Variants in ARHGEF3 observed in about 807,000 individuals in gnomAD.
ARHGEF3 encodes the protein 59.8 kDA protein.
In ARHGEF3, 28 loss-of-function variants were observed where a neutral mutation model predicts 63.2. The observed-to-expected ratio is 0.44, with a 90% CI of 0.33 to 0.61. The LOEUF (loss-of-function observed/expected upper bound fraction) is 0.61, where lower values mean the gene tolerates loss of function less well. Ranked by LOEUF, ARHGEF3 falls within the 20% of genes least tolerant of loss-of-function variation. The pLI is 0.03. For synonymous variants in ARHGEF3, 266 were observed against 254.2 expected, an observed-to-expected ratio of 1.05 and a Z score of -0.44; for missense variants, 533 against 659.3, an observed-to-expected ratio of 0.81 and a Z score of 2.10.
intron 1 of ARHGEF3, among the ~76,000 whole-genome samples, chr3:56,799,773 T>C (rs1443242098): frequency 2.0e-5 from 3 of 152,224 alleles, no homozygotes; most frequent in Non-Finnish European, 4.4e-5. Flanking sequence ...ATTTCCATTA[T>C]CAGGAAGTGA....
chr3:56,845,569 C>G (rs2039461550), intron 4 of ARHGEF3, among the ~76,000 whole-genome samples: 1 of 152,168 alleles, frequency 6.6e-6, no homozygotes. Flanking sequence ...CCTTTCCTTT[C>G]ACAGTGAGAG....
chr3:57,029,434 A>T (rs1703634577), intron 2 of ARHGEF3, among the ~76,000 whole-genome samples: 1 of 151,978 alleles, frequency 6.6e-6, no homozygotes, highest in African/African-American at 2.4e-5. Flanking sequence ...CGTCTCAAAA[A>T]AAAAAAAAAT....
At chr3:56,893,159 C>T (rs1369089930) in intron 3 of ARHGEF3, among the ~76,000 whole-genome samples, 2 of 152,078 alleles carry the variant, frequency 1.3e-5, no homozygotes, top group Non-Finnish European at 2.9e-5. Flanking sequence ...TAGTCCCTTC[C>T]CTTTGCTGGG....
At chr3:56,974,065 G>A (rs982963585) in intron 2 of ARHGEF3, among the ~76,000 whole-genome samples, 1 of 152,094 alleles carries the variant, frequency 6.6e-6, no homozygotes, top group Non-Finnish European at 1.5e-5. Flanking sequence ...CAGCCTGGGC[G>A]ACAGATCAAG....
At chr3:57,077,693 G>A (rs538410923) in intron 1 of ARHGEF3, among the ~76,000 whole-genome samples, 13 of 152,178 alleles carry the variant, frequency 8.5e-5, no homozygotes, top group African/African-American at 3.1e-4. Context: ...GGAGACCCAA[G>A]GCTTAAAAGA....
intron 4 of ARHGEF3, among the ~76,000 whole-genome samples, chr3:56,836,203 T>C (rs940834668): frequency 1.3e-5 from 2 of 152,182 alleles, no homozygotes; most frequent in African/African-American, 4.8e-5. Context: ...TTTCGATCAA[T>C]AGTTCATGAA....
At chr3:57,002,822 G>T (rs1446397463) in intron 2 of ARHGEF3, among the ~76,000 whole-genome samples, 2 of 145,262 alleles carry the variant, frequency 1.4e-5, no homozygotes, top group African/African-American at 5.1e-5. Context: ...TCACCAGGCT[G>T]GAGTGCAGTG....
At chr3:56,757,182 G>A (rs564959567) in intron 2 of ARHGEF3, among the ~76,000 whole-genome samples, 1 of 152,228 alleles carries the variant, frequency 6.6e-6, no homozygotes, top group South Asian at 2.1e-4. Flanking sequence ...TGTTAAATAA[G>A]TTGTAAGTGG....
At chr3:56,969,768 A>G (rs2106838020) in intron 2 of ARHGEF3, among the ~76,000 whole-genome samples, 1 of 151,268 alleles carries the variant, frequency 6.6e-6, no homozygotes, top group Admixed American at 6.6e-5. Flanking sequence ...AAAAAAAGAA[A>G]GAAAAAGAAA....
chr3:56,935,065 T>A (rs7429922), intron 3 of ARHGEF3, among the ~76,000 whole-genome samples: 17,611 of 151,868 alleles, frequency 0.12, 1,258 homozygotes, highest in East Asian at 0.25. Context: ...GGTGGAGCCT[T>A]GGAGAACCTT....
intron 3 of ARHGEF3, among the ~76,000 whole-genome samples, chr3:56,930,997 G>A (rs537116908): frequency 6.6e-6 from 1 of 152,064 alleles, no homozygotes; most frequent in East Asian, 1.9e-4. Flanking sequence ...TTTAAAAGAA[G>A]AAAAAAATGA....
chr3:56,992,397 A>C (rs1384099671), intron 2 of ARHGEF3, among the ~76,000 whole-genome samples: 6 of 127,200 alleles, frequency 4.7e-5, no homozygotes, highest in Non-Finnish European at 6.4e-5. Flanking sequence ...AAAAAAAAAA[A>C]AAAAAAAAAA....
chr3:56,840,967 A>T (rs1032188702), intron 4 of ARHGEF3, among the ~76,000 whole-genome samples: 3 of 152,196 alleles, frequency 2.0e-5, no homozygotes, highest in Non-Finnish European at 4.4e-5. Context: ...TAACATACAC[A>T]CAGTTAAGCA....
chr3:56,891,468 TG>T (rs1362368903), intron 3 of ARHGEF3, among the ~76,000 whole-genome samples: 1 of 152,110 alleles, frequency 6.6e-6, no homozygotes, highest in Non-Finnish European at 1.5e-5. Context: ...GAAATCATGA[TG>T]TTTTCAGAGC....
At chr3:56,969,275 G>C (rs1700802799) in intron 2 of ARHGEF3, among the ~76,000 whole-genome samples, 1 of 113,794 alleles carries the variant, frequency 8.8e-6, no homozygotes, top group Non-Finnish European at 1.9e-5. Flanking sequence ...CTAGAGACGA[G>C]ATCGAAATGA....
At chr3:57,033,676 G>C (rs1703828691) in intron 2 of ARHGEF3, among the ~76,000 whole-genome samples, 1 of 152,050 alleles carries the variant, frequency 6.6e-6, no homozygotes, top group Admixed American at 6.6e-5. Flanking sequence ...GTAGGAGCTG[G>C]GAATGAAAAT....
chr3:56,747,007 G>A (rs1406467086), intron 6 of ARHGEF3, among the ~76,000 whole-genome samples: 4 of 151,754 alleles, frequency 2.6e-5, no homozygotes, highest in Middle Eastern at 3.4e-3. Flanking sequence ...GTAAGTACTA[G>A]CTATTATTAT....
At chr3:56,888,907 A>AAAAAAAC (rs1553774003) in intron 3 of ARHGEF3, among the ~76,000 whole-genome samples, 26 of 151,376 alleles carry the variant, frequency 1.7e-4, no homozygotes, top group Admixed American at 3.3e-4. Context: ...CCATCTCAAA[A>AAAAAAAC]AAAAACAAAA....
intron 3 of ARHGEF3, among the ~76,000 whole-genome samples, chr3:56,941,686 T>C (rs570546057): frequency 6.6e-6 from 1 of 152,358 alleles, no homozygotes; most frequent in South Asian, 2.1e-4. Flanking sequence ...ATTCAGACTT[T>C]ATAAAAAATA....
Sources: gnomAD v4.1 joint callset for allele counts (sites outside exome capture counted in the v4.1 genomes callset) on GRCh38, gnomAD v4.1.1 for gene constraint, MANE v1.5 for transcripts, NCBI Gene and HGNC (gene_info 2026-07-23, HGNC 2026-07-21) for gene names.